ABR: variants seen among roughly 807,000 people sequenced by gnomAD.
The protein encoded by ABR is ABR activator of RhoGEF and GTPase.
In ABR, 35 loss-of-function variants were observed where a neutral mutation model predicts 107.2. That is an observed-to-expected ratio of 0.33 (90% confidence interval 0.25 to 0.43). The LOEUF (loss-of-function observed/expected upper bound fraction) is 0.43, where lower values mean the gene tolerates loss of function less well. Among genes scored for constraint, ABR ranks in the 20% least tolerant of loss-of-function variants. The pLI is 1.00. For missense variants in ABR, 815 were observed against 1,115.2 expected, an observed-to-expected ratio of 0.73 and a Z score of 3.83; for synonymous variants, 498 against 462.0, an observed-to-expected ratio of 1.08 and a Z score of -1.00.
intron 16 of ABR, among the ~76,000 whole-genome samples, chr17:1,023,853 T>C (rs917935040): frequency 3.3e-5 from 5 of 151,978 alleles, no homozygotes; most frequent in South Asian, 2.1e-4. Flanking sequence ...GGAGAAACCC[T>C]GTCTCTACTA....
At chr17:1,040,406 A>G (rs1471126662) in intron 16 of ABR, among the ~76,000 whole-genome samples, 1 of 152,170 alleles carries the variant, frequency 6.6e-6, no homozygotes, top group East Asian at 1.9e-4. Context: ...GTTTCCGACC[A>G]CACCAGGCCA....
chr17:1,112,404 A>C (rs1178197993), intron 2 of ABR, among the ~76,000 whole-genome samples: 3 of 152,224 alleles, frequency 2.0e-5, no homozygotes, highest in Admixed American at 6.5e-5. Context: ...AAGGGTTTCC[A>C]GGCAAAGAAG....
In ABR at chr17:1,194,774, C is replaced by T. The variant is rs573707268; in HGVS notation, c.838+34019G>A. Among the ~76,000 whole-genome samples the T allele has an allele frequency of 1.5e-3, 191 of 123,806 alleles. 39 individuals carry two copies. Among genetic ancestry groups the T allele is most frequent in the South Asian group, 4.7e-3 (16 of 3,376 alleles). The allele number at this position is 123,806 out of a possible 152,430, so 81.2% of individuals were successfully genotyped here. A position where few individuals can be genotyped will look rare whatever the true frequency, so the allele number is the denominator to read the frequency against. On this transcript the variant is annotated intron_variant, in intron 1 of 22. Coordinates refer to the ABR transcript ENST00000574139. Reference sequence around the variant, plus strand: ...GTTCAAGCAATCCTCCTGCCTCAGCCCCCCTAGTAGCTGGGATTACAGGCA... The same window carrying T: ...GTTCAAGCAATCCTCCTGCCTCAGCTCCCCTAGTAGCTGGGATTACAGGCA...
rs2034159358 is a variant in ABR, at chr17:1,062,701, A to G, written c.1183-3834T>C. ...GAGGGCTATACATGTTCCTCTAGACACTGCTATTATGTGAACTGAGGGCTA... is the reference window on the plus strand; with the variant it reads ...GAGGGCTATACATGTTCCTCTAGACGCTGCTATTATGTGAACTGAGGGCTA... On this transcript the variant is annotated intron_variant, in intron 10 of 22. Transcript: ENST00000302538. Among the ~76,000 whole-genome samples the G allele has an allele frequency of 1.4e-5, 2 of 145,268 alleles. 1 individual carries two copies. Among genetic ancestry groups the G allele is most frequent in the South Asian group, 4.5e-4 (2 of 4,444 alleles).
At chr17:1,223,760 A>G (rs1437343622) in intron 1 of ABR, among the ~76,000 whole-genome samples, 1 of 152,152 alleles carries the variant, frequency 6.6e-6, no homozygotes, top group Non-Finnish European at 1.5e-5. Context: ...CTTCTTCACA[A>G]GGCGGCAGGA....
At chr17:1,028,364 G>A (rs2072415860) in intron 16 of ABR, among the ~76,000 whole-genome samples, 1 of 151,892 alleles carries the variant, frequency 6.6e-6, no homozygotes, top group African/African-American at 2.4e-5. Flanking sequence ...CTCCCAAAGT[G>A]CTGGGATGAC....
At chr17:1,158,344 C>T (rs2041126376) in intron 1 of ABR, among the ~76,000 whole-genome samples, 1 of 151,946 alleles carries the variant, frequency 6.6e-6, no homozygotes, top group Non-Finnish European at 1.5e-5. Flanking sequence ...AATCCAGCCG[C>T]CTCGGCCTCC....
intron 1 of ABR, among the ~76,000 whole-genome samples, chr17:1,197,999 A>G (rs4968177): frequency 0.99 from 150,187 of 151,728 alleles, 74,421 homozygotes; most frequent in East Asian, 1. Flanking sequence ...GGCTGGCCGC[A>G]GCCCCACGCT....
At chr17:1,114,432 T>G (rs2038886735) in intron 2 of ABR, among the ~76,000 whole-genome samples, 1 of 144,102 alleles carries the variant, frequency 6.9e-6, no homozygotes, top group Non-Finnish European at 1.5e-5. Context: ...ATCACACCAC[T>G]GCACTCTAGT....
chr17:1,181,135 C>T (rs964587779), upstream of ABR, among the ~76,000 whole-genome samples: 13 of 152,230 alleles, frequency 8.5e-5, no homozygotes, highest in African/African-American at 2.7e-4. Flanking sequence ...TGGCCTTTGC[C>T]GGGGGCAGTG....
chr17:1,122,781 A>T (rs2258647), intron 2 of ABR, among the ~76,000 whole-genome samples: 2 of 152,030 alleles, frequency 1.3e-5, no homozygotes, highest in African/African-American at 4.8e-5. Flanking sequence ...TAACGCACAC[A>T]CCCTGTTGGT....
At chr17:1,104,429 G>A (rs2038109151) in intron 2 of ABR, among the ~76,000 whole-genome samples, 2 of 152,202 alleles carry the variant, frequency 1.3e-5, no homozygotes, top group African/African-American at 4.8e-5. Context: ...TGGCCTCCAA[G>A]ACAACAAGCA....
At chr17:1,116,367 A>T (rs1218269379) in intron 2 of ABR, among the ~76,000 whole-genome samples, 3 of 152,222 alleles carry the variant, frequency 2.0e-5, no homozygotes, top group Admixed American at 6.5e-5. Context: ...CCTCTTGCCA[A>T]CTGTGTGACC....
chr17:1,081,869 G>T (rs139652873), intron 5 of ABR, among the ~76,000 whole-genome samples: 4 of 152,294 alleles, frequency 2.6e-5, no homozygotes, highest in East Asian at 1.9e-4. Flanking sequence ...GAGCCGCCAC[G>T]CCCGGCTTCT....
In ABR at chr17:1,011,559, G is replaced by T. The variant is rs1333130441; in HGVS notation, c.2101+287C>A. Reference sequence around the variant, plus strand: ...CAGGCACCCAGGAACTAGCAAGAAAGACACTGGAGTCAGATCTGAGTTTTA... The same window carrying T: ...CAGGCACCCAGGAACTAGCAAGAAATACACTGGAGTCAGATCTGAGTTTTA... On this transcript the variant is annotated intron_variant, in intron 19 of 22. Transcript: ENST00000302538. This position sits in a 1 kb window ranked among gnomAD's most constrained non-coding sequence, Gnocchi z 4.8. The T allele has an allele frequency of 1.9e-5, 5 of 269,638 alleles. No homozygotes were observed. Among genetic ancestry groups the T allele is most frequent in the Non-Finnish European group, 2.8e-5 (4 of 143,366 alleles). 16.7% of individuals were successfully genotyped at this position (269,638 alleles called of 1,614,324 possible).
chr17:1,169,184 G>A (rs1235331465), intron 1 of ABR, among the ~76,000 whole-genome samples: 1 of 152,230 alleles, frequency 6.6e-6, no homozygotes, highest in Non-Finnish European at 1.5e-5. Context: ...CTTCCGCCAC[G>A]CAGGAAGAGG....
At chr17:1,222,032 A>G (rs889248983) in intron 1 of ABR, among the ~76,000 whole-genome samples, 17 of 151,004 alleles carry the variant, frequency 1.1e-4, no homozygotes, top group Middle Eastern at 3.2e-3. Flanking sequence ...TAAAGACACC[A>G]TCGAGGAAGA....
chr17:1,101,791 T>C (rs922420435), intron 2 of ABR, among the ~76,000 whole-genome samples: 8 of 151,506 alleles, frequency 5.3e-5, no homozygotes, highest in South Asian at 2.1e-4. Context: ...TAGAGTGCAG[T>C]GGCGCGATCT....
intron 1 of ABR, among the ~76,000 whole-genome samples, chr17:1,160,329 T>C (rs2041240142): frequency 6.6e-6 from 1 of 151,348 alleles, no homozygotes; most frequent in Non-Finnish European, 1.5e-5. Flanking sequence ...CACAGCCTCT[T>C]ATGGGCCAGG....
Sources: gnomAD v4.1 joint callset for allele counts (sites outside exome capture counted in the v4.1 genomes callset) on GRCh38, gnomAD v4.1.1 for gene constraint, Gnocchi (gnomAD v3.1) non-coding constraint, MANE v1.5 for transcripts, NCBI Gene and HGNC (gene_info 2026-07-23, HGNC 2026-07-21) for gene names.